Variants in MAN1C1 observed in about 807,000 individuals in gnomAD.
MAN1C1 encodes the protein mannosidase alpha class 1C member 1.
Under a neutral mutation model 71.5 loss-of-function variants are expected in MAN1C1, and 49 were observed. That is an observed-to-expected ratio of 0.69 (90% confidence interval 0.54 to 0.87). MAN1C1 has a LOEUF of 0.87. Among genes scored for constraint, MAN1C1 ranks in the 40% least tolerant of loss-of-function variants. The pLI, the probability that MAN1C1 is intolerant of heterozygous loss-of-function variation, is 0.00. For synonymous variants in MAN1C1, 352 were observed against 343.7 expected (o/e 1.02, Z -0.27); for missense variants, 743 against 835.0 (o/e 0.89, Z 1.36).
intron 1 of MAN1C1, among the ~76,000 whole-genome samples, chr1:25,671,065 G>A (rs2124131921): frequency 6.6e-6 from 1 of 152,252 alleles, no homozygotes; most frequent in African/African-American, 2.4e-5. Flanking sequence ...TTTCAGTAGA[G>A]ATGGAGTTTC....
rs2046014006 is a variant in MAN1C1, at chr1:25,673,064, GA to G, written c.541-13375del. Among the ~76,000 whole-genome samples, 12 of 152,282 alleles carry G rather than the reference GA, an allele frequency of 7.9e-5. No individual in the cohort carries two copies. The South Asian group carries it at 2.5e-3, about 32-fold the overall frequency. On this transcript the variant is annotated intron_variant, in intron 1 of 11. Coordinates refer to ENST00000374332, the MANE Select transcript of MAN1C1 (RefSeq NM_020379.4). Reference sequence around the variant, plus strand: ...CAGAGGTGAACGGGGAGGGGGAAAGGAGGTGAGTCAGAGATGTCATCGCCAG... The same window carrying G: ...CAGAGGTGAACGGGGAGGGGGAAAGGGGTGAGTCAGAGATGTCATCGCCAG...
intron 2 of MAN1C1, among the ~76,000 whole-genome samples, chr1:25,740,938 G>A (rs551633250): frequency 2.0e-5 from 3 of 152,122 alleles, no homozygotes; most frequent in South Asian, 4.2e-4. Flanking sequence ...TCGCAGAGAC[G>A]GCCAGCAGGA....
chr1:25,657,116 C>T (rs543929035), intron 1 of MAN1C1, among the ~76,000 whole-genome samples: 4 of 152,318 alleles, frequency 2.6e-5, no homozygotes, highest in East Asian at 3.9e-4. Flanking sequence ...TGAGCCACCG[C>T]GCCCAGCCCC....
Position 25,617,975 on chromosome 1 carries a change from C to T in MAN1C1, c.178C>T (p.Gln60Ter), listed in dbSNP as rs1401429485. The T allele has an allele frequency of 6.2e-7, 1 of 1,608,178 alleles. No homozygotes were observed. The highest frequency in any genetic ancestry group is 8.5e-7 in the Non-Finnish European group (1 of 1,178,016). Residue 60 changes from glutamine to a stop codon, truncating the protein, a stop_gained, in exon 1 of 12, where the codon CAG becomes TAG. Transcript: ENST00000374332. LOFTEE classifies it high-confidence loss of function. The surrounding 1 kb of genome is among the most constrained non-coding windows in gnomAD (Gnocchi z 5.1). Reference sequence around the variant, plus strand: ...CCTCTTCCTGGCCCCCCGGACCCAGCAGCCTGGTCTGGAAGTGGTGGCTGA... The same window carrying T: ...CCTCTTCCTGGCCCCCCGGACCCAGTAGCCTGGTCTGGAAGTGGTGGCTGA... ...KRLFLAPRTQQPGLEVVAEIA... is the reference protein window; with the variant it reads ...KRLFLAPRTQ
At chr1:25,633,111 A>G (rs761924804) in intron 1 of MAN1C1, among the ~76,000 whole-genome samples, 5 of 152,074 alleles carry the variant, frequency 3.3e-5, no homozygotes, top group African/African-American at 4.8e-5. Flanking sequence ...ATGATCCACC[A>G]TCGTTGGTCT....
chr1:25,640,616 A>G (rs955785223), intron 1 of MAN1C1, among the ~76,000 whole-genome samples: 1 of 152,184 alleles, frequency 6.6e-6, no homozygotes, highest in African/African-American at 2.4e-5. Context: ...CAATTTTGCT[A>G]CTTCAGATTA....
chr1:25,624,759 C>T (rs775692922), intron 1 of MAN1C1, among the ~76,000 whole-genome samples: 1 of 152,154 alleles, frequency 6.6e-6, no homozygotes, highest in African/African-American at 2.4e-5. Flanking sequence ...CCTCCTTCCA[C>T]CTCTGCCATC....
rs984390445 is a variant in MAN1C1, at chr1:25,730,312, G to A, written c.638-16356G>A. Among the ~76,000 whole-genome samples, 3 of 152,116 alleles carry A rather than the reference G, an allele frequency of 2.0e-5. No individual in the cohort carries two copies. The highest frequency in any genetic ancestry group is 2.9e-5 in the Non-Finnish European group (2 of 68,010). Reference sequence around the variant, plus strand: ...GCCTTCTCCACGCATGATTAAGCACGATGGCTTTTTAATGATTTGAGCTGT... The same window carrying A: ...GCCTTCTCCACGCATGATTAAGCACAATGGCTTTTTAATGATTTGAGCTGT... On this transcript the variant is annotated intron_variant, in intron 2 of 11. Coordinates refer to ENST00000374332, the MANE Select transcript of MAN1C1 (RefSeq NM_020379.4). This position sits in a 1 kb window ranked among gnomAD's most constrained non-coding sequence, Gnocchi z 4.3.
rs902997759 is a variant in MAN1C1 at position 25,769,425 on chromosome 1, G to T, written c.1142-2232G>T. On this transcript the variant is annotated intron_variant, in intron 7 of 11. Transcript: ENST00000374332. The surrounding 1 kb of genome is among the most constrained non-coding windows in gnomAD (Gnocchi z 4.8). ...CACACACACAAGCTGTAAAGCAGTG[G>T]GACTTTCACATGTGAGATGCCCACA... Among the ~76,000 whole-genome samples the T allele has an allele frequency of 6.6e-6, 1 of 151,822 alleles. No individual in the cohort carries two copies. Among genetic ancestry groups the T allele is most frequent in the African/African-American group, 2.4e-5 (1 of 41,216 alleles).
At chr1:25,640,439 T>C (rs1210906405) in intron 1 of MAN1C1, among the ~76,000 whole-genome samples, 1 of 152,206 alleles carries the variant, frequency 6.6e-6, no homozygotes, top group African/African-American at 2.4e-5. Flanking sequence ...AATTAGCAAA[T>C]CTTCCTCCTT....
At chr1:25,657,008 G>GTA (rs1467488685) in intron 1 of MAN1C1, among the ~76,000 whole-genome samples, 2 of 152,014 alleles carry the variant, frequency 1.3e-5, no homozygotes, top group African/African-American at 4.8e-5. Context: ...TGTATTTTTC[G>GTA]TAGAGACGGG....
At chr1:25,628,559 C>T (rs1288896380) in intron 1 of MAN1C1, among the ~76,000 whole-genome samples, 1 of 152,178 alleles carries the variant, frequency 6.6e-6, no homozygotes, top group Non-Finnish European at 1.5e-5. Context: ...CCATCTGCCC[C>T]TGCCTCCCAA....
intron 2 of MAN1C1, among the ~76,000 whole-genome samples, chr1:25,727,812 C>G (rs894316252): frequency 6.6e-6 from 1 of 152,220 alleles, no homozygotes; most frequent in South Asian, 2.1e-4. Flanking sequence ...GACAAGCTGG[C>G]AGATTGCCCA....
chr1:25,715,591 G>T (rs1290814768), intron 2 of MAN1C1, among the ~76,000 whole-genome samples: 1 of 152,184 alleles, frequency 6.6e-6, no homozygotes, highest in Non-Finnish European at 1.5e-5. Flanking sequence ...CTGGTCTTGT[G>T]CCAGGGCTTG....
At chr1:25,758,241 G>T (rs1339613862) in intron 5 of MAN1C1, among the ~76,000 whole-genome samples, 2 of 152,224 alleles carry the variant, frequency 1.3e-5, no homozygotes, top group African/African-American at 4.8e-5. Context: ...CGGGTGTTCT[G>T]TGGGGTCTTT....
chr1:25,726,604 G>A (rs983241895), intron 2 of MAN1C1, among the ~76,000 whole-genome samples: 19 of 152,172 alleles, frequency 1.2e-4, no homozygotes, highest in Non-Finnish European at 1.5e-4. Context: ...CTGGTGTGGG[G>A]AGAGAGCACA....
At chr1:25,710,929 G>C (rs946783182) in intron 2 of MAN1C1, among the ~76,000 whole-genome samples, 1 of 152,148 alleles carries the variant, frequency 6.6e-6, no homozygotes, top group Admixed American at 6.5e-5. Context: ...TCTAGGCCTC[G>C]GGGTCCTCAC....
intron 2 of MAN1C1, among the ~76,000 whole-genome samples, chr1:25,697,454 A>G (rs774789855): frequency 6.6e-6 from 1 of 152,228 alleles, no homozygotes; most frequent in Non-Finnish European, 1.5e-5. Flanking sequence ...TCAGCAGCTG[A>G]TAGACGTTTG....
At chr1:25,757,474 A>G (rs957715716) in intron 5 of MAN1C1, among the ~76,000 whole-genome samples, 3 of 142,744 alleles carry the variant, frequency 2.1e-5, no homozygotes, top group African/African-American at 8.0e-5. Flanking sequence ...AAAGATAATC[A>G]TGATACATAT....
Sources: allele counts gnomAD v4.1 joint callset (sites outside exome capture counted in the v4.1 genomes callset), GRCh38; gene constraint gnomAD v4.1.1; non-coding constraint Gnocchi (gnomAD v3.1); transcripts MANE v1.5; gene names NCBI Gene and HGNC (gene_info 2026-07-23, HGNC 2026-07-21).